HSP90AA1: variants seen among roughly 807,000 people sequenced by gnomAD.
The protein encoded by HSP90AA1 is heat shock protein HSP 90-alpha.
In HSP90AA1, 18 loss-of-function variants were observed where a neutral mutation model predicts 73.3. The observed-to-expected ratio is 0.25, with a 90% CI of 0.17 to 0.36. The LOEUF (loss-of-function observed/expected upper bound fraction) is 0.36. HSP90AA1 is among the 10% of genes least tolerant of loss of function. The pLI, the probability that HSP90AA1 is intolerant of heterozygous loss-of-function variation, is 1.00. For missense variants in HSP90AA1, 704 were observed against 874.2 expected, an observed-to-expected ratio of 0.81 and a Z score of 2.45; for synonymous variants, 477 against 296.9, an observed-to-expected ratio of 1.61 and a Z score of -6.24.
chr14:102,085,377 G>A lies in HSP90AA1; in HGVS notation c.584C>T (p.Thr195Ile), dbSNP rs1566720623. The A allele has an allele frequency of 1.2e-6, 2 of 1,613,066 alleles. No homozygotes were observed. The highest frequency in any genetic ancestry group is 2.2e-5 in the East Asian group (1 of 44,886). The change falls in exon 4 of 11, where the codon ACT becomes ATT. Residue 195 changes from threonine (T) to isoleucine (I), a missense_variant. By Grantham distance (89) the Thr-to-Ile change is moderately conservative (BLOSUM62 -1). Transcript: ENST00000216281. The part of the protein sequence containing the change: ...KVILHLKEDQ[T>I]EYLEERRIKE... ...TATTCTTCGTTCCTCCAAGTACTCA[G>A]TTTGGTCTTCTTTCAGGTGTAGGAT...
Position 102,097,027 on chromosome 14 carries a change from G to A in HSP90AA1, c.366+4848C>T, listed in dbSNP as rs138843891. On this transcript the variant is annotated intron_variant, in intron 2 of 11. Coordinates refer to the HSP90AA1 transcript ENST00000334701. ...TCTTGAGACACAGTCTCGCTCTGTC[G>A]CCCAGGCTGGAGTGCAGTGGAGTGA... 4.0e-3 allele frequency among the ~76,000 whole-genome samples: 605 copies of A among 151,958 alleles called. 1 individual carries two copies. Among genetic ancestry groups the A allele is most frequent in the African/African-American group, 0.014 (576 of 41,456 alleles).
chr14:102,135,801 C>T (rs537238259), intron 1 of HSP90AA1, among the ~76,000 whole-genome samples: 6 of 152,378 alleles, frequency 3.9e-5, no homozygotes, highest in Admixed American at 2.0e-4. Flanking sequence ...GCTGGCTACT[C>T]CAAGTGCGGG....
chr14:102,134,911 G>T (rs557009863), intron 1 of HSP90AA1, among the ~76,000 whole-genome samples: 1 of 152,302 alleles, frequency 6.6e-6, no homozygotes, highest in South Asian at 2.1e-4. Context: ...TGGTAGAGCC[G>T]AGTGGCCTGT....
chr14:102,137,005 G>A (rs1311688540), intron 1 of HSP90AA1, among the ~76,000 whole-genome samples: 2 of 152,078 alleles, frequency 1.3e-5, no homozygotes. Flanking sequence ...CCTGAGGTCA[G>A]GAGTTCGAGA....
At chr14:102,085,558 C>A in intron 3 of HSP90AA1, 127 bp from the exon 4 acceptor site, 1 of 1,200,448 alleles carries the variant, frequency 8.3e-7, no homozygotes, top group Non-Finnish European at 1.2e-6. Context: ...GCCACCACAG[C>A]AGAACCTTTT....
rs552328672 is a variant in HSP90AA1 at position 102,080,983 on chromosome 14, A to G, written c.*729T>C. ...CTCCTGCTAGCGCCTCATGTTTTAC[A>G]TTTTGGCACTAACTGTCATCCAGAT... On this transcript the variant is annotated 3_prime_UTR_variant, in exon 11 of 11. Coordinates refer to ENST00000216281, the MANE Select transcript of HSP90AA1 (RefSeq NM_005348.4). 2.2e-4 allele frequency: 51 copies of G among 227,242 alleles called. No homozygotes were observed. Among genetic ancestry groups the G allele is most frequent in the African/African-American group, 8.7e-4 (39 of 45,064 alleles). The allele number at this position is 227,242 out of a possible 1,614,324, so 14.1% of individuals were successfully genotyped here.
At chr14:102,130,499 T>C (rs546426090) in intron 1 of HSP90AA1, among the ~76,000 whole-genome samples, 1 of 152,200 alleles carries the variant, frequency 6.6e-6, no homozygotes, top group East Asian at 1.9e-4. Flanking sequence ...TGAAGTGACA[T>C]CTCCTTGTGG....
rs1230238078 is a variant in HSP90AA1 at position 102,081,940 on chromosome 14, C to A, written c.2090-119G>T. 7 of 779,862 alleles carry A rather than the reference C, an allele frequency of 9.0e-6. No individual in the cohort carries two copies. In the East Asian group the frequency reaches 1.7e-4, roughly 19 times the overall value. 48.3% of individuals were successfully genotyped at this position (779,862 alleles called of 1,614,324 possible). ...TTACAGGACATATGAGTCTCAATTT[C>A]ATTTCTTTGCTCTTGTAAGACCTTA... On this transcript the variant is annotated intron_variant, in intron 10 of 10. Coordinates refer to ENST00000216281, the MANE Select transcript of HSP90AA1 (RefSeq NM_005348.4).
At chr14:102,085,188 G>A in intron 4 of HSP90AA1, 110 bp downstream of exon 4, 5 of 1,425,696 alleles carry the variant, frequency 3.5e-6, no homozygotes, top group Non-Finnish European at 4.9e-6. Context: ...GTAGAGCTTA[G>A]GTTCCCCAGG....
Position 102,116,283 on chromosome 14 carries a change from G to A in HSP90AA1, c.156-14198C>T, listed in dbSNP as rs1482347797. On this transcript the variant is annotated intron_variant, in intron 1 of 11. Coordinates refer to the HSP90AA1 transcript ENST00000334701. ...CGAGCATCTTTTAATGGTGGAGAGAGTTGTGTTTCTGTTTTGTTCCTGTTT... is the reference window on the plus strand; with the variant it reads ...CGAGCATCTTTTAATGGTGGAGAGAATTGTGTTTCTGTTTTGTTCCTGTTT... 2.0e-5 allele frequency among the ~76,000 whole-genome samples: 3 copies of A among 152,176 alleles called. No individual in the cohort carries two copies. The East Asian group carries it at 5.8e-4, about 29-fold the overall frequency.
chr14:102,086,450 C>T (rs2049236881), intron 1 of HSP90AA1, 72 bp from the exon 2 acceptor site: 2 of 1,520,764 alleles, frequency 1.3e-6, no homozygotes, highest in African/African-American at 1.4e-5. Flanking sequence ...CCATCGCGTT[C>T]TCCAAATATT....
chr14:102,116,715 A>G (rs2049711632), intron 1 of HSP90AA1, among the ~76,000 whole-genome samples: 1 of 152,170 alleles, frequency 6.6e-6, no homozygotes, highest in South Asian at 2.1e-4. Flanking sequence ...GCCAGGGACA[A>G]GCTGGACCCT....
chr14:102,087,038 A>C lies in HSP90AA1; in HGVS notation c.-53T>G. 1 of 985,248 alleles carries C rather than the reference A, an allele frequency of 1.0e-6. No individual in the cohort carries two copies. Among genetic ancestry groups the C allele is most frequent in the Non-Finnish European group, 1.2e-6 (1 of 830,072 alleles). 61.0% of individuals were successfully genotyped at this position (985,248 alleles called of 1,614,324 possible). A position where few individuals can be genotyped will look rare whatever the true frequency, so the allele number is the denominator to read the frequency against. ...CGGCACAGCCACACCGGGACGCTGAAGCAACTGACGCGCCACCCCCGCGCC... is the reference window on the plus strand; with the variant it reads ...CGGCACAGCCACACCGGGACGCTGACGCAACTGACGCGCCACCCCCGCGCC... On this transcript the variant is annotated 5_prime_UTR_variant, in exon 1 of 11. Transcript: ENST00000216281.
At chr14:102,134,371 G>C (rs564086737) in intron 1 of HSP90AA1, among the ~76,000 whole-genome samples, 2 of 150,046 alleles carry the variant, frequency 1.3e-5, no homozygotes, top group East Asian at 1.9e-4. Flanking sequence ...CGTTAGACTG[G>C]AATGGAGAAT....
rs1001561838 is a variant in HSP90AA1 at position 102,081,267 on chromosome 14, G to A, written c.*445C>T. 2.2e-5 allele frequency: 6 copies of A among 272,126 alleles called. No homozygotes were observed. Among genetic ancestry groups the A allele is most frequent in the Admixed American group, 9.5e-5 (2 of 20,970 alleles). 16.9% of individuals were successfully genotyped at this position (272,126 alleles called of 1,614,324 possible). On this transcript the variant is annotated 3_prime_UTR_variant, in exon 11 of 11. Transcript: ENST00000216281. ...GCTTCAGTTTAACCTATTTCTAGAG[G>A]ACTAGTACATGCAGAATTGTCAACT...
chr14:102,119,093 G>C (rs913595263), intron 1 of HSP90AA1, among the ~76,000 whole-genome samples: 18 of 151,880 alleles, frequency 1.2e-4, no homozygotes, highest in Non-Finnish European at 1.5e-5. Context: ...GAGCTCAAGC[G>C]ATCCACCCTC....
chr14:102,091,518 C>T (rs375836836), upstream of HSP90AA1, among the ~76,000 whole-genome samples: 12 of 151,918 alleles, frequency 7.9e-5, no homozygotes, highest in African/African-American at 2.7e-4. Context: ...CCCAGCTACT[C>T]GGGAGGCTGA....
intron 1 of HSP90AA1, among the ~76,000 whole-genome samples, chr14:102,136,900 G>A (rs1288267648): frequency 8.7e-5 from 10 of 114,832 alleles, no homozygotes; most frequent in Non-Finnish European, 1.9e-4. Context: ...AAAAAAAAAA[G>A]GAAACAAAAA....
intron 1 of HSP90AA1, among the ~76,000 whole-genome samples, chr14:102,086,618 C>A (rs2049244318): frequency 6.6e-6 from 1 of 151,716 alleles, no homozygotes; most frequent in Admixed American, 6.6e-5. Context: ...CCGCCGCGGT[C>A]CCCAACGAAC....
Sources: allele counts gnomAD v4.1 joint callset (sites outside exome capture counted in the v4.1 genomes callset), GRCh38; gene constraint gnomAD v4.1.1; transcripts MANE v1.5; gene names NCBI Gene and HGNC (gene_info 2026-07-23, HGNC 2026-07-21).